PEBP4: variants seen among roughly 807,000 people sequenced by gnomAD.
PEBP4 encodes phosphatidylethanolamine-binding protein 4.
A neutral mutation model predicts 23.9 loss-of-function variants in PEBP4; 22 were observed. That is an observed-to-expected ratio of 0.92 (90% confidence interval 0.66 to 1.31). The LOEUF (loss-of-function observed/expected upper bound fraction) is 1.31, where lower values mean the gene tolerates loss of function less well. Among genes scored for constraint, PEBP4 ranks in the 40% most tolerant of loss-of-function variants. PEBP4 has a pLI of 0.00. For synonymous variants in PEBP4, 112 were observed against 99.3 expected, an observed-to-expected ratio of 1.13 and a Z score of -0.76; for missense variants, 324 against 281.7, an observed-to-expected ratio of 1.15 and a Z score of -1.07.
At chr8:22,721,839 T>A (rs964110709) in intron 6 of PEBP4, among the ~76,000 whole-genome samples, 1 of 152,190 alleles carries the variant, frequency 6.6e-6, no homozygotes, top group Non-Finnish European at 1.5e-5. Flanking sequence ...GGTCCAGCCC[T>A]GGGCTCCGTA....
intron 1 of PEBP4, among the ~76,000 whole-genome samples, chr8:22,936,646 G>A (rs1431788595): frequency 1.3e-5 from 2 of 152,088 alleles, no homozygotes; most frequent in Non-Finnish European, 2.9e-5. Flanking sequence ...TCTAACCAAA[G>A]TTAGAAAAGA....
intron 4 of PEBP4, among the ~76,000 whole-genome samples, chr8:22,734,353 G>T (rs885327): frequency 0.14 from 21,686 of 152,198 alleles, 1,943 homozygotes; most frequent in Middle Eastern, 0.21. Flanking sequence ...GAGGTGGGTG[G>T]AATGAAGCCC....
At chr8:22,767,163 G>T (rs1381440728) in intron 4 of PEBP4, among the ~76,000 whole-genome samples, 1 of 152,194 alleles carries the variant, frequency 6.6e-6, no homozygotes, top group Non-Finnish European at 1.5e-5. Flanking sequence ...ACAATAAATT[G>T]ACTAGAGCGA....
intron 3 of PEBP4, among the ~76,000 whole-genome samples, chr8:22,839,214 G>A (rs552924337): frequency 6.6e-6 from 1 of 152,262 alleles, no homozygotes; most frequent in South Asian, 2.1e-4. Flanking sequence ...CTGGGCTGGC[G>A]GCTCAGTCTT....
At chr8:22,874,330 A>C (rs1486176180) in intron 3 of PEBP4, among the ~76,000 whole-genome samples, 1 of 152,260 alleles carries the variant, frequency 6.6e-6, no homozygotes, top group East Asian at 1.9e-4. Context: ...ATTGACACTC[A>C]AAAGCCCGAA....
At chr8:22,844,193 AC>A (rs1807381067) in intron 3 of PEBP4, among the ~76,000 whole-genome samples, 1 of 152,234 alleles carries the variant, frequency 6.6e-6, no homozygotes, top group Non-Finnish European at 1.5e-5. Context: ...ACGAGACTGT[AC>A]TAAAGGAAAT....
intron 1 of PEBP4, among the ~76,000 whole-genome samples, chr8:22,937,659 C>T (rs899457210): frequency 3.3e-5 from 5 of 152,060 alleles, no homozygotes; most frequent in Admixed American, 2.0e-4. Context: ...TTGAAGGACT[C>T]GTACTTTCTG....
chr8:22,782,575 C>T (rs927129690), intron 4 of PEBP4, among the ~76,000 whole-genome samples: 18 of 152,208 alleles, frequency 1.2e-4, no homozygotes, highest in African/African-American at 3.6e-4. Flanking sequence ...AGAAAAAAAT[C>T]GCTTAGAATG....
At position 22,810,877 on chromosome 8, in the gene PEBP4, T is replaced by TGAGAGAGAGAGA. The variant is rs33995327; in HGVS notation, c.357+6748_357+6759dup. Among the ~76,000 whole-genome samples, 88 of 137,232 alleles carry TGAGAGAGAGAGA rather than the reference T, an allele frequency of 6.4e-4. No homozygotes were observed. The South Asian group carries it at 8.6e-3, about 13-fold the overall frequency. 90.0% of individuals were successfully genotyped at this position (137,232 alleles called of 152,430 possible). ...GGTGGAGCACAGAATCTCAGAGTGCTGAGAGAGAGAGAGAGAGAGAGAGAG... is the reference window on the plus strand; with the variant it reads ...GGTGGAGCACAGAATCTCAGAGTGCTGAGAGAGAGAGAGAGAGAGAGAGAGAGAGAGAGAGAG... On this transcript the variant is annotated intron_variant, in intron 4 of 6. Transcript: ENST00000256404.
intron 4 of PEBP4, among the ~76,000 whole-genome samples, chr8:22,816,876 C>T (rs1207191149): frequency 6.6e-6 from 1 of 152,054 alleles, no homozygotes; most frequent in Non-Finnish European, 1.5e-5. Flanking sequence ...TAATCAAATG[C>T]AACTGGAAAA....
intron 4 of PEBP4, among the ~76,000 whole-genome samples, chr8:22,787,364 GA>G (rs1239227109): frequency 1.3e-5 from 2 of 152,052 alleles, no homozygotes; most frequent in African/African-American, 4.8e-5. Flanking sequence ...CAGAGGGCAA[GA>G]ATTACACTGA....
chr8:22,921,300 C>T (rs1809195165), intron 2 of PEBP4, among the ~76,000 whole-genome samples: 1 of 152,180 alleles, frequency 6.6e-6, no homozygotes, highest in African/African-American at 2.4e-5. Flanking sequence ...TTGCAGGTCC[C>T]CAGCCTTTCC....
chr8:22,837,962 G>A (rs1463313669), intron 3 of PEBP4, among the ~76,000 whole-genome samples: 19 of 123,472 alleles, frequency 1.5e-4, no homozygotes, highest in African/African-American at 5.6e-4. Context: ...GCAGTGGTGT[G>A]ATCTCGGCTC....
chr8:22,938,336 C>T (rs117066681), intron 1 of PEBP4, among the ~76,000 whole-genome samples: 1 of 152,268 alleles, frequency 6.6e-6, no homozygotes, highest in East Asian at 1.9e-4. Flanking sequence ...CTGTCTGTAA[C>T]GGACACCTTT....
At chr8:22,761,389 A>G (rs1339056526) in intron 4 of PEBP4, among the ~76,000 whole-genome samples, 1 of 149,414 alleles carries the variant, frequency 6.7e-6, no homozygotes, top group Non-Finnish European at 1.5e-5. Context: ...TGGCGAGGGG[A>G]GGCTGGGGGG....
At chr8:22,928,606 G>C (rs1321739950), upstream of PEBP4, among the ~76,000 whole-genome samples, 5 of 152,062 alleles carry the variant, frequency 3.3e-5, no homozygotes, top group Admixed American at 6.5e-5. Flanking sequence ...TTGAGCCTGA[G>C]TGGGCAGGGA....
intron 4 of PEBP4, among the ~76,000 whole-genome samples, chr8:22,742,034 C>T (rs1455785240): frequency 1.3e-5 from 2 of 152,152 alleles, no homozygotes; most frequent in Non-Finnish European, 2.9e-5. Context: ...AATCAAAGCC[C>T]ACCGTGCTCT....
intron 4 of PEBP4, among the ~76,000 whole-genome samples, chr8:22,742,936 C>T (rs755910054): frequency 2.0e-5 from 3 of 152,148 alleles, no homozygotes; most frequent in South Asian, 2.1e-4. Context: ...CTGTGATGAA[C>T]GCTAGGAAGA....
At chr8:22,804,311 A>G (rs1806449512) in intron 4 of PEBP4, among the ~76,000 whole-genome samples, 1 of 152,176 alleles carries the variant, frequency 6.6e-6, no homozygotes, top group Non-Finnish European at 1.5e-5. Context: ...ACCCTGGGCA[A>G]CAGAATGAGA....
Sources: allele counts gnomAD v4.1 joint callset (sites outside exome capture counted in the v4.1 genomes callset), GRCh38; gene constraint gnomAD v4.1.1; transcripts MANE v1.5; gene names NCBI Gene and HGNC (gene_info 2026-07-23, HGNC 2026-07-21).